Variants in ZNF385B observed in about 807,000 individuals in gnomAD.
The protein encoded by ZNF385B is zinc finger protein 533.
Under a neutral mutation model 39.2 loss-of-function variants are expected in ZNF385B, and 23 were observed. The observed-to-expected ratio is 0.59, with a 90% CI of 0.42 to 0.83. The LOEUF (loss-of-function observed/expected upper bound fraction) is 0.83. Ranked by LOEUF, ZNF385B falls within the 40% of genes least tolerant of loss-of-function variation. The pLI, the probability that ZNF385B is intolerant of heterozygous loss-of-function variation, is 0.00. For missense variants in ZNF385B, 552 were observed against 598.9 expected (o/e 0.92, Z 0.82); for synonymous variants, 205 against 222.6 (o/e 0.92, Z 0.70).
At chr2:179,532,866 G>A (rs2059338365) in intron 4 of ZNF385B, among the ~76,000 whole-genome samples, 1 of 152,162 alleles carries the variant, frequency 6.6e-6, no homozygotes. Flanking sequence ...CCCTCCCAAA[G>A]CTGAGGTTAA....
intron 3 of ZNF385B, among the ~76,000 whole-genome samples, chr2:179,755,527 T>A (rs1702958511): frequency 6.6e-6 from 1 of 152,292 alleles, no homozygotes; most frequent in Admixed American, 6.5e-5. Flanking sequence ...ATGTTGACAG[T>A]GGGGTGTTAA....
intron 3 of ZNF385B, among the ~76,000 whole-genome samples, chr2:179,596,366 C>A (rs989033206): frequency 2.0e-5 from 3 of 152,162 alleles, no homozygotes; most frequent in African/African-American, 4.8e-5. Context: ...TGGTATCTAA[C>A]AGCCTTTTTT....
At chr2:179,624,805 T>C (rs1690513405) in intron 3 of ZNF385B, among the ~76,000 whole-genome samples, 1 of 152,170 alleles carries the variant, frequency 6.6e-6, no homozygotes, top group Admixed American at 6.5e-5. Context: ...CATGATTTTT[T>C]CTAAAGCAGA....
chr2:179,646,921 T>C (rs1008781367), intron 3 of ZNF385B, among the ~76,000 whole-genome samples: 8 of 152,204 alleles, frequency 5.3e-5, no homozygotes, highest in Non-Finnish European at 1.0e-4. Flanking sequence ...CTATAACCCA[T>C]GAGCAGCAAA....
intron 5 of ZNF385B, among the ~76,000 whole-genome samples, chr2:179,491,700 C>T (rs539003429): frequency 2.2e-4 from 33 of 152,016 alleles, no homozygotes; most frequent in African/African-American, 7.2e-4. Flanking sequence ...TTTTCATTCG[C>T]TTATTTATTT....
chr2:179,743,199 G>C (rs1702178611), intron 3 of ZNF385B, among the ~76,000 whole-genome samples: 2 of 151,904 alleles, frequency 1.3e-5, no homozygotes, highest in African/African-American at 4.8e-5. Context: ...AATTCAATTT[G>C]TTTCATGGGC....
chr2:179,810,102 T>C (rs1706641059), intron 1 of ZNF385B, among the ~76,000 whole-genome samples: 1 of 151,918 alleles, frequency 6.6e-6, no homozygotes, highest in Non-Finnish European at 1.5e-5. Flanking sequence ...ACTGAAATAC[T>C]TGGTCAACTA....
rs149159347 is a variant in ZNF385B, at chr2:179,655,391, G to C, written c.299-110422C>G. ...ATACATATCAAAGTTGCTCATTTAT[G>C]CTATTTTGCCATAACAATGCATACA... is the stretch of plus-strand genomic sequence containing the variant. On this transcript the variant is annotated intron_variant, in intron 3 of 9. Transcript: ENST00000410066. Among the ~76,000 whole-genome samples the C allele has an allele frequency of 7.2e-5, 11 of 152,076 alleles. No homozygotes were observed. The Middle Eastern group carries it at 0.017, about 235-fold the overall frequency.
At chr2:179,730,822 AGAG>A (rs1324883701) in intron 3 of ZNF385B, among the ~76,000 whole-genome samples, 1 of 152,224 alleles carries the variant, frequency 6.6e-6, no homozygotes, top group African/African-American at 2.4e-5. Flanking sequence ...GTAACAAGAT[AGAG>A]GAGAAGCAGC....
At chr2:179,604,991 T>A (rs1052806417) in intron 3 of ZNF385B, among the ~76,000 whole-genome samples, 5 of 152,136 alleles carry the variant, frequency 3.3e-5, no homozygotes, top group African/African-American at 4.8e-5. Flanking sequence ...ACTCATATGA[T>A]GTTGTTTGTT....
At chr2:179,493,609 GTA>G (rs1559335063) in intron 5 of ZNF385B, among the ~76,000 whole-genome samples, 4 of 103,032 alleles carry the variant, frequency 3.9e-5, no homozygotes, top group Non-Finnish European at 6.2e-5. Context: ...ATACATATAT[GTA>G]CGTACATATA....
At chr2:179,714,946 A>AAAAAAAAAAAAAAAC (rs1363545278) in intron 3 of ZNF385B, among the ~76,000 whole-genome samples, 5 of 150,514 alleles carry the variant, frequency 3.3e-5, no homozygotes, top group African/African-American at 1.2e-4. Context: ...CTATCTCAAA[A>AAAAAAAAAAAAAAAC]AAAAAAAAAA....
chr2:179,473,343 G>A (rs1490898369), intron 6 of ZNF385B, among the ~76,000 whole-genome samples: 1 of 152,178 alleles, frequency 6.6e-6, no homozygotes, highest in East Asian at 1.9e-4. Flanking sequence ...AGCATGTCAT[G>A]AAACGATCAT....
intron 5 of ZNF385B, among the ~76,000 whole-genome samples, chr2:179,500,757 C>T (rs948352058): frequency 2.0e-5 from 3 of 152,008 alleles, no homozygotes; most frequent in African/African-American, 7.2e-5. Flanking sequence ...GGGATCACAT[C>T]AAGTTAAGCT....
chr2:179,537,841 TGTTA>T (rs1358930360), intron 4 of ZNF385B, among the ~76,000 whole-genome samples: 1 of 152,146 alleles, frequency 6.6e-6, no homozygotes, highest in Non-Finnish European at 1.5e-5. Context: ...ACAAAATCTT[TGTTA>T]GTTTTGTACC....
At chr2:179,534,850 T>C (rs1481152951) in intron 4 of ZNF385B, 1 of 152,126 alleles carries the variant, frequency 6.6e-6, no homozygotes, top group East Asian at 1.9e-4. Flanking sequence ...CAAATGGCTT[T>C]TTGGAGAAGG....
chr2:179,701,858 A>G (rs1699228051), intron 3 of ZNF385B, among the ~76,000 whole-genome samples: 1 of 152,218 alleles, frequency 6.6e-6, no homozygotes, highest in East Asian at 1.9e-4. Flanking sequence ...AAATAGGTAC[A>G]TCTCTAGCTC....
chr2:179,569,465 C>A (rs955937918), intron 3 of ZNF385B, among the ~76,000 whole-genome samples: 3 of 152,152 alleles, frequency 2.0e-5, no homozygotes, highest in Non-Finnish European at 4.4e-5. Flanking sequence ...TGAGGAAAAT[C>A]TAAATAAAAT....
intron 1 of ZNF385B, among the ~76,000 whole-genome samples, chr2:179,821,362 T>G (rs1707385119): frequency 6.6e-6 from 1 of 152,172 alleles, no homozygotes. Flanking sequence ...TCTCAGACAG[T>G]TGGATTCCCT....
Sources: allele counts gnomAD v4.1 joint callset (sites outside exome capture counted in the v4.1 genomes callset), GRCh38; gene constraint gnomAD v4.1.1; transcripts MANE v1.5; gene names NCBI Gene and HGNC (gene_info 2026-07-23, HGNC 2026-07-21).